L3MBTL3: variants seen among roughly 807,000 people sequenced by gnomAD.
The protein encoded by L3MBTL3 is L3MBTL histone methyl-lysine binding protein 3.
L3MBTL3 carries 27 observed loss-of-function variants against 102.3 expected under a neutral mutation model. The observed-to-expected ratio is 0.26, with a 90% CI of 0.19 to 0.36. The LOEUF is 0.36. Among genes scored for constraint, L3MBTL3 ranks in the 10% least tolerant of loss-of-function variants. The pLI is 1.00. For synonymous variants in L3MBTL3, 340 were observed against 320.9 expected, an observed-to-expected ratio of 1.06 and a Z score of -0.64; for missense variants, 798 against 955.3, an observed-to-expected ratio of 0.84 and a Z score of 2.17.
intron 13 of L3MBTL3, among the ~76,000 whole-genome samples, chr6:130,073,905 A>C (rs1782786633): frequency 6.6e-6 from 1 of 152,200 alleles, no homozygotes; most frequent in Non-Finnish European, 1.5e-5. Flanking sequence ...AGCTACTGAC[A>C]TGAAATCATT....
Position 130,057,478 on chromosome 6 carries a change from C to A in L3MBTL3, c.740C>A (p.Pro247Gln). Residue 247 changes from proline (P) to glutamine (Q), a missense_variant, in exon 9 of 23, where the codon CCG (proline) becomes CAG (glutamine). By Grantham distance (76) the Pro-to-Gln change is moderately conservative. Transcript: ENST00000361794. ...GAAGAGGAGAAAGCGGTGGCAGTGCCGGCGAAGCTGTTCAAGGAGGTACGG... is the reference window on the plus strand; with the variant it reads ...GAAGAGGAGAAAGCGGTGGCAGTGCAGGCGAAGCTGTTCAAGGAGGTACGG... The part of the protein sequence containing the change: ...YLEEEKAVAV[P>Q]AKLFKEHQSF... 2 of 1,609,268 alleles carry A rather than the reference C, an allele frequency of 1.2e-6. No individual in the cohort carries two copies. The highest frequency in any genetic ancestry group is 8.5e-7 in the Non-Finnish European group (1 of 1,178,446).
In L3MBTL3 at chr6:130,066,484, A is replaced by G. The variant is rs1418608875; in HGVS notation, c.996A>G (p.Pro332=). The change falls in exon 11 of 23, where the codon CCA becomes CCG. Residue 332 remains proline, a synonymous_variant. Coordinates refer to ENST00000361794, the MANE Select transcript of L3MBTL3 (RefSeq NM_032438.4). ...AAACCGGCCACAAACTCCATCCTCC[A>G]AAAGGTTTTGTCACTTTTTGTTTGA... The part of the protein sequence containing the change: ...CEKTGHKLHP[P]KGYKEEEFNW... 9 of 1,608,574 alleles carry G rather than the reference A, an allele frequency of 5.6e-6. No homozygotes were observed. The highest frequency in any genetic ancestry group is 2.2e-5 in the East Asian group (1 of 44,526).
chr6:130,019,509 C>T (rs1164220656), intron 1 of L3MBTL3: 3 of 151,730 alleles, frequency 2.0e-5, no homozygotes, highest in Non-Finnish European at 4.4e-5. Flanking sequence ...GCCACTTTCT[C>T]CCCTTTCGGG....
At chr6:130,084,380 CATGATGAGCTT>C (rs202023608) in intron 15 of L3MBTL3, among the ~76,000 whole-genome samples, 1,733 of 151,998 alleles carry the variant, frequency 0.011, 28 homozygotes, top group African/African-American at 0.039. Context: ...TTAAATGTGT[CATGATGAGCTT>C]ATGATAAATA....
chr6:130,100,150 A>G (rs550060895), intron 18 of L3MBTL3, among the ~76,000 whole-genome samples: 1 of 152,334 alleles, frequency 6.6e-6, no homozygotes, highest in East Asian at 1.9e-4. Context: ...ACTACTTCTT[A>G]GGATTGTGAG....
intron 2 of L3MBTL3, among the ~76,000 whole-genome samples, chr6:130,041,460 A>C (rs916361995): frequency 3.3e-5 from 5 of 152,248 alleles, no homozygotes; most frequent in African/African-American, 4.8e-5. Context: ...CATACAGATC[A>C]CATTGGAAAG....
intron 18 of L3MBTL3, among the ~76,000 whole-genome samples, chr6:130,100,371 C>G (rs1198171939): frequency 1.3e-5 from 2 of 152,156 alleles, no homozygotes; most frequent in Non-Finnish European, 2.9e-5. Context: ...GCTCCTTTTG[C>G]ATTTTGTGGC....
intron 20 of L3MBTL3, among the ~76,000 whole-genome samples, chr6:130,124,358 G>A (rs1052581018): frequency 6.6e-6 from 1 of 152,030 alleles, no homozygotes; most frequent in Non-Finnish European, 1.5e-5. Context: ...CCAGATGTTT[G>A]GTCTGTTTTT....
chr6:130,097,435 CTT>C (rs374404744), intron 18 of L3MBTL3, among the ~76,000 whole-genome samples: 256 of 152,264 alleles, frequency 1.7e-3, no homozygotes, highest in African/African-American at 5.8e-3. Flanking sequence ...AAGCAAGAGA[CTT>C]TGTTTTGACT....
intron 19 of L3MBTL3, among the ~76,000 whole-genome samples, chr6:130,110,631 C>T (rs1033665297): frequency 1.3e-5 from 2 of 152,126 alleles, no homozygotes; most frequent in Non-Finnish European, 2.9e-5. Flanking sequence ...ACAATCATGT[C>T]GTCCACAAAC....
At position 130,023,928 on chromosome 6, in the gene L3MBTL3, G is replaced by GACCA. The variant is rs1196539364; in HGVS notation, c.-16+1624_-16+1627dup. On this transcript the variant is annotated intron_variant, in intron 2 of 22. Transcript: ENST00000361794. ...ATACTATTGGCTCTTTGAGGGAAGA[G>GACCA]ACCATGCTCTAACATGGTGCGGAAT... 3.3e-5 allele frequency among the ~76,000 whole-genome samples: 5 copies of GACCA among 152,282 alleles called. No homozygotes were observed. The East Asian group carries it at 9.6e-4, about 29-fold the overall frequency.
At chr6:130,087,366 C>T (rs1783752000) in intron 16 of L3MBTL3, among the ~76,000 whole-genome samples, 2 of 151,974 alleles carry the variant, frequency 1.3e-5, no homozygotes, top group South Asian at 4.1e-4. Flanking sequence ...AGTCATAAAG[C>T]AATCAGTATT....
At chr6:130,020,975 A>C (rs1180541838) in intron 1 of L3MBTL3, among the ~76,000 whole-genome samples, 2 of 151,612 alleles carry the variant, frequency 1.3e-5, no homozygotes, top group East Asian at 3.9e-4. Flanking sequence ...GATGAGAAAT[A>C]AGAATTTGGG....
chr6:130,059,929 G>A (rs34552886), intron 9 of L3MBTL3, 107 bp from the exon 10 acceptor site: 42,299 of 585,412 alleles, frequency 0.072, 1,992 homozygotes, highest in Non-Finnish European at 0.098. Flanking sequence ...ATTTTTAGAA[G>A]TTATGTATTT....
At position 130,140,723 on chromosome 6, in the gene L3MBTL3, TAC is replaced by T. The variant is rs1183161483; in HGVS notation, c.*972_*973del. Reference sequence around the variant, plus strand: ...TTCTGTCAACAGAAACACTAATCTGTACAGAGCGCTGTCTCAGGTCATGCATT... The same window carrying T: ...TTCTGTCAACAGAAACACTAATCTGTAGAGCGCTGTCTCAGGTCATGCATT... On this transcript the variant is annotated 3_prime_UTR_variant, in exon 23 of 23. Coordinates refer to ENST00000361794, the MANE Select transcript of L3MBTL3 (RefSeq NM_032438.4). 1.3e-5 allele frequency: 2 copies of T among 152,242 alleles called. No individual in the cohort carries two copies. Among genetic ancestry groups the T allele is most frequent in the Non-Finnish European group, 2.9e-5 (2 of 68,054 alleles). The allele number at this position is 152,242 out of a possible 1,614,324, so 9.4% of individuals were successfully genotyped here.
Position 130,078,655 on chromosome 6 carries a change from G to T in L3MBTL3, c.1321+21G>T, listed in dbSNP as rs770636680. On this transcript the variant is annotated intron_variant, in intron 14 of 22. Transcript: ENST00000361794. ...ACCAGGTGTGTGTTTTTTTAATGTG[G>T]CTAATACTATTCGTAGACTTCAAGA... 2.7e-6 allele frequency: 4 copies of T among 1,473,050 alleles called. No individual in the cohort carries two copies. In the South Asian group the frequency reaches 3.5e-5, roughly 13 times the overall value. 91.2% of individuals were successfully genotyped at this position (1,473,050 alleles called of 1,614,324 possible).
chr6:130,024,481 T>C (rs1779210280), intron 2 of L3MBTL3, among the ~76,000 whole-genome samples: 1 of 152,190 alleles, frequency 6.6e-6, no homozygotes, highest in Non-Finnish European at 1.5e-5. Flanking sequence ...GAAGTATATG[T>C]CCTGTTTAAT....
rs1268007241 is a variant in L3MBTL3, at chr6:130,066,574, T to G, written c.1000+86T>G. 5 of 1,213,326 alleles carry G rather than the reference T, an allele frequency of 4.1e-6. No individual in the cohort carries two copies. In the East Asian group the frequency reaches 1.4e-4, roughly 33 times the overall value. The allele number at this position is 1,213,326 out of a possible 1,614,324, so 75.2% of individuals were successfully genotyped here. On this transcript the variant is annotated intron_variant, in intron 11 of 22. Coordinates refer to ENST00000361794, the MANE Select transcript of L3MBTL3 (RefSeq NM_032438.4). Reference sequence around the variant, plus strand: ...CATTAGAATTGTTAAGAATTCAGACTTTATGAAAATTCAGATAGGCACAAA... The same window carrying G: ...CATTAGAATTGTTAAGAATTCAGACGTTATGAAAATTCAGATAGGCACAAA...
At position 130,036,027 on chromosome 6, in the gene L3MBTL3, T is replaced by C. The variant is rs542365688; in HGVS notation, c.-15-6658T>C. Among the ~76,000 whole-genome samples, 544 of 151,542 alleles carry C rather than the reference T, an allele frequency of 3.6e-3. 3 individuals carry two copies. Among genetic ancestry groups the C allele is most frequent in the African/African-American group, 0.012 (500 of 41,276 alleles). ...GTGTGTGTGTGTGTGGCCTGTGGAA[T>C]ACAGGTGGATTGTGGTGTAGCAGCA... On this transcript the variant is annotated intron_variant, in intron 2 of 22. Transcript: ENST00000361794.
Sources: gnomAD v4.1 joint callset for allele counts (sites outside exome capture counted in the v4.1 genomes callset) on GRCh38, gnomAD v4.1.1 for gene constraint, MANE v1.5 for transcripts, NCBI Gene and HGNC (gene_info 2026-07-23, HGNC 2026-07-21) for gene names.